The following MACROH2A1 variants were observed in gnomAD, a reference collection of about 807,000 sequenced individuals.
MACROH2A1 encodes the protein core histone macro-H2A.1.
A neutral mutation model predicts 31.6 loss-of-function variants in MACROH2A1; 2 were observed. The ratio of observed to expected loss-of-function variants is 0.06; its 90% CI spans 0.03 to 0.20. The LOEUF (loss-of-function observed/expected upper bound fraction) is 0.20. Among genes scored for constraint, MACROH2A1 ranks in the 10% least tolerant of loss-of-function variants. The pLI is 1.00. For synonymous variants in MACROH2A1, 169 were observed against 189.6 expected (o/e 0.89, Z 0.89); for missense variants, 230 against 474.0 (o/e 0.49, Z 4.78).
At chr5:135,376,739 T>C (rs1426260886) in intron 2 of MACROH2A1, among the ~76,000 whole-genome samples, 1 of 152,218 alleles carries the variant, frequency 6.6e-6, no homozygotes, top group African/African-American at 2.4e-5. Flanking sequence ...TGAGGTTACC[T>C]CTAGGCTTAT....
rs867255564 is a variant in MACROH2A1 at position 135,397,258 on chromosome 5, C to T, written c.-34+1804G>A. 2.6e-5 allele frequency among the ~76,000 whole-genome samples: 4 copies of T among 152,194 alleles called. No individual in the cohort carries two copies. The East Asian group carries it at 7.7e-4, about 29-fold the overall frequency. Reference sequence around the variant, plus strand: ...TTCTCAGTGGGGAAGGAATGCGAGGCGCTCCTCAAGTTCGCCTCTCTCAGG... The same window carrying T: ...TTCTCAGTGGGGAAGGAATGCGAGGTGCTCCTCAAGTTCGCCTCTCTCAGG... On this transcript the variant is annotated intron_variant, in intron 1 of 8. Coordinates refer to ENST00000511689, the MANE Select transcript of MACROH2A1 (RefSeq NM_138610.3).
chr5:135,378,467 G>A (rs1765204323), intron 2 of MACROH2A1, among the ~76,000 whole-genome samples: 1 of 152,220 alleles, frequency 6.6e-6, no homozygotes, highest in South Asian at 2.1e-4. Flanking sequence ...CCACAGGAAT[G>A]TCTCTGGCAA....
In MACROH2A1 at chr5:135,334,902, A is replaced by T; in HGVS notation, c.*74T>A. On this transcript the variant is annotated 3_prime_UTR_variant, in exon 9 of 9. Coordinates refer to ENST00000511689, the MANE Select transcript of MACROH2A1 (RefSeq NM_138610.3). Reference sequence around the variant, plus strand: ...GAAAGGGGTCCCACCTCCCAGTAGGAGTGAAGGGGATTTTTTTTTTCTTTT... The same window carrying T: ...GAAAGGGGTCCCACCTCCCAGTAGGTGTGAAGGGGATTTTTTTTTTCTTTT... 1 of 1,267,134 alleles carries T rather than the reference A, an allele frequency of 7.9e-7. No homozygotes were observed. The highest frequency in any genetic ancestry group is 1.4e-5 in the South Asian group (1 of 72,824). 78.5% of individuals were successfully genotyped at this position (1,267,134 alleles called of 1,614,324 possible).
At chr5:135,360,045 AAAC>A (rs966710468) in intron 5 of MACROH2A1, 8 of 305,456 alleles carry the variant, frequency 2.6e-5, no homozygotes, top group African/African-American at 4.5e-5. Flanking sequence ...TACAGTCTGA[AAAC>A]AATCCCCTGT....
intron 8 of MACROH2A1, among the ~76,000 whole-genome samples, chr5:135,338,376 G>A (rs921279821): frequency 6.6e-6 from 1 of 152,204 alleles, no homozygotes; most frequent in South Asian, 2.1e-4. Flanking sequence ...GCAAAGCACC[G>A]GGGCATGGCA....
chr5:135,376,244 G>A (rs970251388), intron 2 of MACROH2A1, among the ~76,000 whole-genome samples: 1 of 152,116 alleles, frequency 6.6e-6, no homozygotes, highest in Non-Finnish European at 1.5e-5. Context: ...AGACTCCTCC[G>A]AAAAGTCCAG....
At chr5:135,370,223 G>C in intron 2 of MACROH2A1, 81 bp from the exon 3 acceptor site, 2 of 831,114 alleles carry the variant, frequency 2.4e-6, no homozygotes, top group Non-Finnish European at 3.9e-6. Context: ...ACAGTGCCAG[G>C]AATGGGCAGA....
rs1765015709 is a variant in MACROH2A1, at chr5:135,377,336, ATGTT to A, written c.173-7198_173-7195del. On this transcript the variant is annotated intron_variant, in intron 2 of 8. Coordinates refer to ENST00000511689, the MANE Select transcript of MACROH2A1 (RefSeq NM_138610.3). ...AGTTACAAGGAAATGGTTAATATGT[ATGTT>A]TGTTTTGATAGGGAAAACCACAGCC... is the stretch of plus-strand genomic sequence containing the variant. Among the ~76,000 whole-genome samples, 4 of 152,364 alleles carry A rather than the reference ATGTT, an allele frequency of 2.6e-5. No homozygotes were observed. In the South Asian group the frequency reaches 8.3e-4, roughly 32 times the overall value.
intron 5 of MACROH2A1, chr5:135,357,769 T>G: frequency 2.0e-6 from 2 of 983,130 alleles, no homozygotes; most frequent in Non-Finnish European, 2.4e-6. Context: ...CAACAATGTG[T>G]GTGAACATTG....
chr5:135,377,698 G>A (rs1211172703), intron 2 of MACROH2A1, among the ~76,000 whole-genome samples: 1 of 152,204 alleles, frequency 6.6e-6, no homozygotes, highest in African/African-American at 2.4e-5. Context: ...TTTATCTTCT[G>A]CATATTTTCC....
intron 2 of MACROH2A1, among the ~76,000 whole-genome samples, chr5:135,380,342 C>T (rs1765494226): frequency 6.6e-6 from 1 of 152,194 alleles, no homozygotes; most frequent in African/African-American, 2.4e-5. Flanking sequence ...TTGACCCCAG[C>T]ACCCCGCTTG....
chr5:135,351,983 G>C (rs188516279), intron 6 of MACROH2A1, among the ~76,000 whole-genome samples: 3 of 151,572 alleles, frequency 2.0e-5, no homozygotes. Context: ...GGACACTCTT[G>C]AGTCCAGTCC....
At chr5:135,381,749 C>T (rs760055051) in intron 2 of MACROH2A1, among the ~76,000 whole-genome samples, 8 of 152,096 alleles carry the variant, frequency 5.3e-5, no homozygotes, top group Non-Finnish European at 7.3e-5. Flanking sequence ...AGAGTAAACA[C>T]GAAGATAGTT....
chr5:135,355,919 G>A (rs886170747), intron 5 of MACROH2A1: 4 of 152,374 alleles, frequency 2.6e-5, no homozygotes, highest in Admixed American at 6.5e-5. Context: ...AGAGGGGTGT[G>A]TGTCCATCTG....
Position 135,335,003 on chromosome 5 carries a change from C to G in MACROH2A1, c.1092G>C (p.Gln364His), listed in dbSNP as rs1348158916. The G allele has an allele frequency of 6.2e-7, 1 of 1,614,010 alleles. No individual in the cohort carries two copies. The change falls in exon 9 of 9, where the codon CAG becomes CAC. Residue 364 changes from glutamine (Q) to histidine (H), a missense_variant. Transcript: ENST00000511689. ...FDSESIGIYV[Q>H]EMAKLDAN ...AGTTGGCGTCCAGCTTGGCCATTTC[C>G]TGCACATAGATGCCTATACTCTCGC...
rs1762476143 is a variant in MACROH2A1 at position 135,358,747 on chromosome 5, T to A, written c.588+1750A>T. ...TAGAGTATCAATACTTTTCTATGGC[T>A]TTTTGTATCCTCACCCTACCAACTC... On this transcript the variant is annotated intron_variant, in intron 5 of 8. Coordinates refer to ENST00000511689, the MANE Select transcript of MACROH2A1 (RefSeq NM_138610.3). 3 of 960,658 alleles carry A rather than the reference T, an allele frequency of 3.1e-6. No individual in the cohort carries two copies. The African/African-American group carries it at 5.3e-5, about 17-fold the overall frequency. 59.5% of individuals were successfully genotyped at this position (960,658 alleles called of 1,614,324 possible).
chr5:135,387,747 C>T (rs1235627789), intron 2 of MACROH2A1, among the ~76,000 whole-genome samples: 5 of 152,194 alleles, frequency 3.3e-5, no homozygotes, highest in African/African-American at 1.2e-4. Flanking sequence ...TCCCTCCCTT[C>T]CCAGCTGGCC....
At chr5:135,362,085 T>C (rs1762912553) in intron 4 of MACROH2A1, 1 of 152,248 alleles carries the variant, frequency 6.6e-6, no homozygotes, top group Admixed American at 6.5e-5. Flanking sequence ...GAAGCCCTTT[T>C]TGATATACTT....
chr5:135,335,269 C>T (rs866199509), intron 8 of MACROH2A1, 128 bp from the exon 9 acceptor site: 47 of 668,846 alleles, frequency 7.0e-5, no homozygotes, highest in Admixed American at 3.8e-4. Context: ...TGTTGAGCCC[C>T]GTGTCTGCTT....
Sources: allele counts gnomAD v4.1 joint callset (sites outside exome capture counted in the v4.1 genomes callset), GRCh38; gene constraint gnomAD v4.1.1; transcripts MANE v1.5; gene names NCBI Gene and HGNC (gene_info 2026-07-23, HGNC 2026-07-21).